SP6: variants seen among roughly 807,000 people sequenced by gnomAD.
The protein encoded by SP6 is Sp6 transcription factor.
In SP6, 10 loss-of-function variants were observed where a neutral mutation model predicts 23.4. The observed-to-expected ratio is 0.43, with a 90% CI of 0.26 to 0.72. The LOEUF (loss-of-function observed/expected upper bound fraction) is 0.72, where lower values mean the gene tolerates loss of function less well. Among genes scored for constraint, SP6 ranks in the 30% least tolerant of loss-of-function variants. The pLI, the probability that SP6 is intolerant of heterozygous loss-of-function variation, is 0.23. For missense variants in SP6, 482 were observed against 523.8 expected, an observed-to-expected ratio of 0.92 and a Z score of 0.78; for synonymous variants, 238 against 238.7, an observed-to-expected ratio of 1.00 and a Z score of 0.03.
chr17:47,871,397 C>T, the SP6 span, among the ~76,000 whole-genome samples: 1 of 152,202 alleles, frequency 6.6e-6, no homozygotes, highest in Non-Finnish European at 1.5e-5. Flanking sequence ...GTCCAGTCTT[C>T]ATTCAACCTC....
At chr17:47,854,015 T>C (rs1179394830), upstream of SP6, among the ~76,000 whole-genome samples, 1 of 152,214 alleles carries the variant, frequency 6.6e-6, no homozygotes, top group Non-Finnish European at 1.5e-5. Context: ...GCCCATATAC[T>C]TATTGCTACT....
chr17:47,845,408 G>GAGAA lies in SP6; in HGVS notation c.*1887_*1890dup, dbSNP rs907135016. The GAGAA allele has an allele frequency of 6.6e-6, 1 of 152,200 alleles. No individual in the cohort carries two copies. Among genetic ancestry groups the GAGAA allele is most frequent in the Non-Finnish European group, 1.5e-5 (1 of 68,032 alleles). 9.4% of individuals were successfully genotyped at this position (152,200 alleles called of 1,614,324 possible). A position where few individuals can be genotyped will look rare whatever the true frequency, so the allele number is the denominator to read the frequency against. ...TTGGGTTAGCAGGAGGTAGGGAAAA[G>GAGAA]AGAAAGAAAGAAAGAACATTACTTC... On this transcript the variant is annotated 3_prime_UTR_variant, in exon 2 of 2. Coordinates refer to ENST00000536300, the MANE Select transcript of SP6 (RefSeq NM_001258248.2).
chr17:47,849,932 T>C (rs993616470), intron 1 of SP6, among the ~76,000 whole-genome samples: 3 of 152,162 alleles, frequency 2.0e-5, no homozygotes, highest in Non-Finnish European at 4.4e-5. Flanking sequence ...AGGGCTTAGC[T>C]GACCCTACCA....
At chr17:47,858,522 T>C (rs1389062574), upstream of SP6, among the ~76,000 whole-genome samples, 2 of 152,128 alleles carry the variant, frequency 1.3e-5, no homozygotes, top group African/African-American at 4.8e-5. Context: ...CTTTTTATCT[T>C]AGGGCAGGGG....
rs1355940114 is a variant in SP6, at chr17:47,845,683, CACAT to C, written c.*1612_*1615del. 13 of 152,654 alleles carry C rather than the reference CACAT, an allele frequency of 8.5e-5. No individual in the cohort carries two copies. Among genetic ancestry groups the C allele is most frequent in the African/African-American group, 2.9e-4 (12 of 41,444 alleles). 9.5% of individuals were successfully genotyped at this position (152,654 alleles called of 1,614,324 possible). A position where few individuals can be genotyped will look rare whatever the true frequency, so the allele number is the denominator to read the frequency against. On this transcript the variant is annotated 3_prime_UTR_variant, in exon 2 of 2. Transcript: ENST00000536300. The stretch of plus-strand genomic sequence containing the variant: ...AGACCCCAGGCTCAGTAGAGAAACA[CACAT>C]ACATGCACACAGGTACACACAACAT...
the SP6 span, among the ~76,000 whole-genome samples, chr17:47,875,339 C>G: frequency 2.0e-5 from 3 of 152,182 alleles, no homozygotes; most frequent in Non-Finnish European, 4.4e-5. Context: ...CAGTCCCCCC[C>G]AAGGCCTCCT....
chr17:47,865,362 C>T, the SP6 span, among the ~76,000 whole-genome samples: 53 of 152,226 alleles, frequency 3.5e-4, no homozygotes, highest in African/African-American at 1.2e-3. Context: ...TGAAACGGCG[C>T]CGTGTCCCCC....
At chr17:47,854,349 C>T (rs1209000560), upstream of SP6, among the ~76,000 whole-genome samples, 3 of 152,282 alleles carry the variant, frequency 2.0e-5, no homozygotes, top group Admixed American at 6.5e-5. Context: ...TTATTATTCC[C>T]GTTGTACAGA....
At chr17:47,875,093 TTCTC>T in the SP6 span, among the ~76,000 whole-genome samples, 1 of 150,822 alleles carries the variant, frequency 6.6e-6, no homozygotes, top group African/African-American at 2.4e-5. Flanking sequence ...GCTTCTTCTC[TTCTC>T]AGAAACTCTG....
In SP6 at chr17:47,848,863, C is replaced by A. The variant is rs911692569; in HGVS notation, c.-57-377G>T. Among the ~76,000 whole-genome samples the A allele has an allele frequency of 6.6e-6, 1 of 152,090 alleles. No individual in the cohort carries two copies. Among genetic ancestry groups the A allele is most frequent in the Non-Finnish European group, 1.5e-5 (1 of 68,030 alleles). ...TTCCCCCTGCAGACCTGCTGTCAGC[C>A]CAAATGGAGGATCTAGACACATCTC... On this transcript the variant is annotated intron_variant, in intron 1 of 1. Transcript: ENST00000536300. The surrounding 1 kb of genome is among the most constrained non-coding windows in gnomAD (Gnocchi z 5.3).
At chr17:47,855,365 G>T (rs2033990892), upstream of SP6, among the ~76,000 whole-genome samples, 1 of 152,160 alleles carries the variant, frequency 6.6e-6, no homozygotes, top group Admixed American at 6.5e-5. Context: ...GAGTGTGTGT[G>T]CCCTGTATTT....
Position 47,847,580 on chromosome 17 carries a change from A to G in SP6, c.850T>C (p.Phe284Leu), listed in dbSNP as rs752400143. The G allele has an allele frequency of 5.0e-6, 8 of 1,613,574 alleles. No individual in the cohort carries two copies. The highest frequency in any genetic ancestry group is 5.1e-6 in the Non-Finnish European group (6 of 1,179,976). The change falls in exon 2 of 2, where the codon TTC becomes CTC. Residue 284 changes from phenylalanine (F) to leucine (L), a missense_variant. Physicochemically the swap from Phe to Leu is conservative, Grantham distance 22. This residue lies in a region of SP6 where 51 missense variants were observed against 92.1 expected (regional missense o/e 0.55). Coordinates refer to ENST00000536300, the MANE Select transcript of SP6 (RefSeq NM_001258248.2). Reference sequence around the variant, plus strand: ...CCGCAGAAGAGCCAGTTGCACACGAAGGGACGGTCGCCGCTGTGCCAGCGC... The same window carrying G: ...CCGCAGAAGAGCCAGTTGCACACGAGGGGACGGTCGCCGCTGTGCCAGCGC... The part of the protein sequence containing the change: ...HLRWHSGDRP[F>L]VCNWLFCGKR...
chr17:47,862,128 C>T, the SP6 span, among the ~76,000 whole-genome samples: 13 of 151,144 alleles, frequency 8.6e-5, no homozygotes, highest in Admixed American at 2.0e-4. Flanking sequence ...AGTGGATCAC[C>T]GGAGGTCAGG....
chr17:47,847,228 A>C lies in SP6; in HGVS notation c.*71T>G. The C allele has an allele frequency of 7.1e-7, 1 of 1,410,490 alleles. No homozygotes were observed. The highest frequency in any genetic ancestry group is 9.3e-7 in the Non-Finnish European group (1 of 1,070,072). 87.4% of individuals were successfully genotyped at this position (1,410,490 alleles called of 1,614,324 possible). A position where few individuals can be genotyped will look rare whatever the true frequency, so the allele number is the denominator to read the frequency against. On this transcript the variant is annotated 3_prime_UTR_variant, in exon 2 of 2. Transcript: ENST00000536300. ...TTCCCCTCTTCCTCAAGCCACCCCCAAGGACGTCAGACCTGGGGGCTCGCA... is the reference window on the plus strand; with the variant it reads ...TTCCCCTCTTCCTCAAGCCACCCCCCAGGACGTCAGACCTGGGGGCTCGCA...
rs920193518 is a variant in SP6, at chr17:47,847,425, G to A, written c.1005C>T (p.Thr335=). ...RSDHLAKHMK[T]HEGAKEEAAG... is the part of the protein sequence containing the mutation. ...CCGCCTCCTCCTTGGCGCCCTCGTG[G>A]GTTTTCATGTGCTTGGCCAGGTGGT... The change falls in exon 2 of 2, where the codon ACC becomes ACT. Residue 335 remains threonine (T), a synonymous_variant. Transcript: ENST00000536300. The A allele has an allele frequency of 7.4e-6, 12 of 1,613,558 alleles. No individual in the cohort carries two copies. Among genetic ancestry groups the A allele is most frequent in the African/African-American group, 6.7e-5 (5 of 74,936 alleles).
chr17:47,869,496 T>C, the SP6 span, among the ~76,000 whole-genome samples: 1 of 151,930 alleles, frequency 6.6e-6, no homozygotes, highest in African/African-American at 2.4e-5. Context: ...AGAGCCTGAG[T>C]TTGACACCCA....
At position 47,848,367 on chromosome 17, in the gene SP6, C is replaced by T. The variant is rs1275990284; in HGVS notation, c.63G>A (p.Pro21=). Residue 21 remains proline, a synonymous_variant, in exon 2 of 2, where the codon CCG becomes CCA. Coordinates refer to ENST00000536300, the MANE Select transcript of SP6 (RefSeq NM_001258248.2). This position sits in a 1 kb window ranked among gnomAD's most constrained non-coding sequence, Gnocchi z 5.3. ...GGAGAGGCTGCAGGTCGAGGCGCGG[C>T]GGGGAGGCGTGCGGCGCTTCCGTGT... is the stretch of plus-strand genomic sequence containing the variant. ...SQHTEAPHAS[P]PRLDLQPLQT... is the part of the protein sequence containing the mutation. The T allele has an allele frequency of 6.3e-7, 1 of 1,583,760 alleles. No individual in the cohort carries two copies. Among genetic ancestry groups the T allele is most frequent in the South Asian group, 1.1e-5 (1 of 87,604 alleles).
upstream of SP6, among the ~76,000 whole-genome samples, chr17:47,852,685 G>GA (rs2143658280): frequency 6.6e-6 from 1 of 152,256 alleles, no homozygotes; most frequent in African/African-American, 2.4e-5. Flanking sequence ...TAAGCGGGGT[G>GA]AAAATCAATC....
At chr17:47,860,110 C>A (rs77776171), upstream of SP6, among the ~76,000 whole-genome samples, 91 of 152,234 alleles carry the variant, frequency 6.0e-4, 5 homozygotes, top group East Asian at 0.017. Flanking sequence ...CTGGCCTCAG[C>A]CTCCCTTTCC....
Sources: allele counts gnomAD v4.1 joint callset (sites outside exome capture counted in the v4.1 genomes callset), GRCh38; gene constraint gnomAD v4.1.1; regional missense constraint gnomAD v4.1.1; non-coding constraint Gnocchi (gnomAD v3.1); transcripts MANE v1.5; gene names NCBI Gene and HGNC (gene_info 2026-07-23, HGNC 2026-07-21).